The following C12orf54 variants were observed in gnomAD, a reference collection of about 807,000 sequenced individuals.
The protein encoded by C12orf54 is chromosome 12 open reading frame 54.
A neutral mutation model predicts 26.4 loss-of-function variants in C12orf54; 24 were observed. The ratio of observed to expected loss-of-function variants is 0.91; its 90% CI spans 0.66 to 1.28. C12orf54 has a LOEUF of 1.28. C12orf54 is among the 50% of genes most tolerant of loss of function. The pLI, the probability that C12orf54 is intolerant of heterozygous loss-of-function variation, is 0.00. For missense variants in C12orf54, 154 were observed against 150.9 expected (o/e 1.02, Z -0.11); for synonymous variants, 54 against 47.0 (o/e 1.15, Z -0.61).
At chr12:48,427,528 C>T in the C12orf54 span, among the ~76,000 whole-genome samples, 1 of 151,816 alleles carries the variant, frequency 6.6e-6, no homozygotes, top group Admixed American at 6.6e-5. Context: ...GGATATTGAC[C>T]TGAAGCTTTC....
the C12orf54 span, among the ~76,000 whole-genome samples, chr12:48,468,641 C>CT: frequency 3.3e-5 from 5 of 151,992 alleles, no homozygotes; most frequent in Admixed American, 6.6e-5. Context: ...AAAGCAGTCA[C>CT]TTTTTTTTCA....
chr12:48,476,034 T>C, the C12orf54 span, among the ~76,000 whole-genome samples: 1 of 151,934 alleles, frequency 6.6e-6, no homozygotes, highest in African/African-American at 2.4e-5. Context: ...CCCATCAGAC[T>C]AACAGCTGAT....
chr12:48,470,116 T>G, the C12orf54 span, among the ~76,000 whole-genome samples: 1 of 152,262 alleles, frequency 6.6e-6, no homozygotes, highest in African/African-American at 2.4e-5. Context: ...CTAGGTTGAT[T>G]CCATGTCTTT....
chr12:48,432,039 C>T, the C12orf54 span, among the ~76,000 whole-genome samples: 1 of 152,094 alleles, frequency 6.6e-6, no homozygotes, highest in Non-Finnish European at 1.5e-5. Flanking sequence ...TATAGTATCT[C>T]ACTTATAAAT....
chr12:48,438,530 C>G, the C12orf54 span, among the ~76,000 whole-genome samples: 1 of 152,226 alleles, frequency 6.6e-6, no homozygotes. Context: ...GTAACCAAAA[C>G]AGCATGGTAC....
At chr12:48,448,138 G>A in the C12orf54 span, among the ~76,000 whole-genome samples, 2 of 152,288 alleles carry the variant, frequency 1.3e-5, no homozygotes, top group African/African-American at 4.8e-5. Flanking sequence ...TGACACCTTT[G>A]TTTAGGCTTG....
chr12:48,426,728 T>C, the C12orf54 span, among the ~76,000 whole-genome samples: 1 of 152,214 alleles, frequency 6.6e-6, no homozygotes, highest in African/African-American at 2.4e-5. Context: ...TGAATGCTTT[T>C]CCATTTGTTT....
chr12:48,445,241 A>G, the C12orf54 span, among the ~76,000 whole-genome samples: 5 of 151,904 alleles, frequency 3.3e-5, no homozygotes, highest in East Asian at 5.8e-4. Context: ...GGAAGAGAAT[A>G]GTCTAGGGCT....
the C12orf54 span, among the ~76,000 whole-genome samples, chr12:48,460,622 G>T: frequency 6.6e-6 from 1 of 152,090 alleles, no homozygotes; most frequent in Admixed American, 6.6e-5. Flanking sequence ...ATATTTTGGG[G>T]TTTATGCCAT....
chr12:48,493,673 T>TAAAGAAAAAAAATGAAAGTTAATTTTCAA (rs1937843147), intron 7 of C12orf54, among the ~76,000 whole-genome samples: 1 of 135,700 alleles, frequency 7.4e-6, no homozygotes, highest in Non-Finnish European at 1.6e-5. Context: ...AAGAAAGTTA[T>TAAAGAAAAAAAATGAAAGTTAATTTTCAA]AAAGAAAATT....
chr12:48,418,881 C>T, the C12orf54 span, among the ~76,000 whole-genome samples: 1 of 150,742 alleles, frequency 6.6e-6, no homozygotes. Context: ...CAGAGATAGC[C>T]TAGATGTTTG....
At chr12:48,449,268 C>G in the C12orf54 span, among the ~76,000 whole-genome samples, 3 of 152,272 alleles carry the variant, frequency 2.0e-5, no homozygotes, top group African/African-American at 7.2e-5. Context: ...TATTATCTAT[C>G]AAAAGATGTT....
At chr12:48,464,588 C>T in the C12orf54 span, among the ~76,000 whole-genome samples, 1 of 152,054 alleles carries the variant, frequency 6.6e-6, no homozygotes, top group East Asian at 1.9e-4. Flanking sequence ...ATATGTGGAA[C>T]CAAAAAAGTG....
the C12orf54 span, among the ~76,000 whole-genome samples, chr12:48,418,945 A>G: frequency 2.0e-5 from 3 of 151,534 alleles, no homozygotes; most frequent in African/African-American, 7.3e-5. Flanking sequence ...AAAAAGCCTG[A>G]ATCTTGCATC....
the C12orf54 span, chr12:48,472,673 G>A: frequency 6.2e-7 from 1 of 1,614,084 alleles, no homozygotes; most frequent in Non-Finnish European, 8.5e-7. Flanking sequence ...AGATGGAGAT[G>A]GGCAAATGGA....
the C12orf54 span, among the ~76,000 whole-genome samples, chr12:48,447,174 G>C: frequency 6.6e-6 from 1 of 151,618 alleles, no homozygotes; most frequent in Non-Finnish European, 1.5e-5. Flanking sequence ...TAGTGCCCTT[G>C]TAAGAGATAT....
chr12:48,425,134 TA>T, the C12orf54 span, among the ~76,000 whole-genome samples: 3 of 152,040 alleles, frequency 2.0e-5, no homozygotes, highest in African/African-American at 7.2e-5. Flanking sequence ...GTTATATAGG[TA>T]AACTGGTGTC....
chr12:48,448,306 T>C, the C12orf54 span, among the ~76,000 whole-genome samples: 2 of 152,238 alleles, frequency 1.3e-5, no homozygotes, highest in African/African-American at 2.4e-5. Context: ...TCCCCATGTA[T>C]GCTTTTATAT....
the C12orf54 span, among the ~76,000 whole-genome samples, chr12:48,469,552 C>A: frequency 2.0e-5 from 3 of 152,058 alleles, no homozygotes; most frequent in Non-Finnish European, 4.4e-5. Flanking sequence ...GCCCAGATAA[C>A]AAAATCATCA....
Sources: gnomAD v4.1 joint callset for allele counts (sites outside exome capture counted in the v4.1 genomes callset) on GRCh38, gnomAD v4.1.1 for gene constraint, MANE v1.5 for transcripts, NCBI Gene and HGNC (gene_info 2026-07-23, HGNC 2026-07-21) for gene names.